Variants in GLIS3 observed in about 807,000 individuals in gnomAD.
The protein encoded by GLIS3 is zinc finger protein GLIS3.
In GLIS3, 53 loss-of-function variants were observed where a neutral mutation model predicts 78.6. That is an observed-to-expected ratio of 0.67 (90% CI 0.54 to 0.85). The LOEUF (loss-of-function observed/expected upper bound fraction) is 0.85. Ranked by LOEUF, GLIS3 falls within the 40% of genes least tolerant of loss-of-function variation. The probability of loss-of-function intolerance (pLI) is 0.00; values close to 1 mark genes in which losing one functional copy is unlikely to be tolerated. For synonymous variants in GLIS3, 684 were observed against 509.9 expected, an observed-to-expected ratio of 1.34 and a Z score of -4.60; for missense variants, 1,703 against 1,231.1, an observed-to-expected ratio of 1.38 and a Z score of -5.74.
intron 6 of GLIS3, among the ~76,000 whole-genome samples, chr9:3,911,379 G>C (rs1168036151): frequency 6.6e-6 from 1 of 152,168 alleles, no homozygotes; most frequent in Non-Finnish European, 1.5e-5. Context: ...TTGCTGTTGA[G>C]TGGTACAGAA....
chr9:4,095,590 T>A (rs1829873906), intron 4 of GLIS3, among the ~76,000 whole-genome samples: 1 of 152,186 alleles, frequency 6.6e-6, no homozygotes, highest in Non-Finnish European at 1.5e-5. Flanking sequence ...AAGGAACATA[T>A]GAGTTCTAAT....
At chr9:4,095,869 G>C (rs557046409) in intron 4 of GLIS3, among the ~76,000 whole-genome samples, 17 of 152,088 alleles carry the variant, frequency 1.1e-4, no homozygotes, top group Non-Finnish European at 7.4e-5. Flanking sequence ...TACAGGCTAG[G>C]AAACTGACAT....
the GLIS3 span, among the ~76,000 whole-genome samples, chr9:4,424,840 G>T: frequency 6.6e-6 from 1 of 151,604 alleles, no homozygotes; most frequent in East Asian, 1.9e-4. Flanking sequence ...GATTAAAGGT[G>T]TGAGCCACTG....
At position 4,169,467 on chromosome 9, in the gene GLIS3, C is replaced by T. The variant is rs530194871; in HGVS notation, c.389-43526G>A. Among the ~76,000 whole-genome samples, 5 of 152,132 alleles carry T rather than the reference C, an allele frequency of 3.3e-5. No homozygotes were observed. The East Asian group carries it at 7.7e-4, about 23-fold the overall frequency. ...ATCTGGGTGCCAGTCTCACAGCTAC[C>T]ACTTAATGTGCCGTGTGGCTTTAAA... is the stretch of plus-strand genomic sequence containing the variant. On this transcript the variant is annotated intron_variant, in intron 2 of 10. Transcript: ENST00000381971.
At chr9:4,116,731 T>G (rs1831668259) in intron 4 of GLIS3, among the ~76,000 whole-genome samples, 4 of 152,244 alleles carry the variant, frequency 2.6e-5, no homozygotes. Flanking sequence ...AATTTCTGTT[T>G]AAATTGATTT....
chr9:4,257,587 T>TGTTGTTGTTGTTG (rs1563844885), intron 2 of GLIS3, among the ~76,000 whole-genome samples: 2 of 6,900 alleles, frequency 2.9e-4, no homozygotes, highest in African/African-American at 5.0e-4. Flanking sequence ...TTGTTGTTAT[T>TGTTGTTGTTGTTG]TTTTGAGACG....
At chr9:4,215,384 A>G (rs1820733902) in intron 2 of GLIS3, among the ~76,000 whole-genome samples, 1 of 152,082 alleles carries the variant, frequency 6.6e-6, no homozygotes, top group African/African-American at 2.4e-5. Flanking sequence ...TGTAATATAT[A>G]CAGTCAACTT....
chr9:4,484,268 C>A, the GLIS3 span, among the ~76,000 whole-genome samples: 1 of 146,698 alleles, frequency 6.8e-6, no homozygotes, highest in African/African-American at 2.6e-5. Context: ...GACGGAGTCT[C>A]GCTCTGTCGC....
chr9:4,336,876 C>A (rs965953674), intron 2 of GLIS3, among the ~76,000 whole-genome samples: 1 of 152,148 alleles, frequency 6.6e-6, no homozygotes, highest in Non-Finnish European at 1.5e-5. Flanking sequence ...TCTGTCAATT[C>A]TACATGAATA....
chr9:3,870,621 C>A (rs1368623868), intron 8 of GLIS3, among the ~76,000 whole-genome samples: 1 of 152,194 alleles, frequency 6.6e-6, no homozygotes, highest in Admixed American at 6.5e-5. Flanking sequence ...AAAAGCAGAA[C>A]CCCCTGATAA....
intron 2 of GLIS3, among the ~76,000 whole-genome samples, chr9:4,329,354 A>G (rs10814941): frequency 0.69 from 105,604 of 152,140 alleles, 38,999 homozygotes; most frequent in South Asian, 0.87. Context: ...TAATGTTTTC[A>G]TTTTGACGTC....
At chr9:3,997,705 G>C (rs1041551414) in intron 4 of GLIS3, among the ~76,000 whole-genome samples, 1 of 151,774 alleles carries the variant, frequency 6.6e-6, no homozygotes, top group Non-Finnish European at 1.5e-5. Context: ...AAGCATAAAG[G>C]AACTTGTTAA....
At chr9:4,222,573 A>G (rs1821424229) in intron 2 of GLIS3, among the ~76,000 whole-genome samples, 1 of 152,212 alleles carries the variant, frequency 6.6e-6, no homozygotes, top group African/African-American at 2.4e-5. Context: ...GAGTTTGCCA[A>G]ATGTTTCAAG....
chr9:3,929,765 T>C (rs1291830375), intron 6 of GLIS3, among the ~76,000 whole-genome samples: 1 of 152,268 alleles, frequency 6.6e-6, no homozygotes, highest in Non-Finnish European at 1.5e-5. Context: ...GGAATTTTTA[T>C]GGTTATTTTT....
intron 4 of GLIS3, among the ~76,000 whole-genome samples, chr9:3,940,742 G>A (rs1238795547): frequency 1.3e-5 from 2 of 152,184 alleles, no homozygotes; most frequent in South Asian, 2.1e-4. Flanking sequence ...GGGGAGCAGC[G>A]ATGGAGGAAA....
intron 2 of GLIS3, among the ~76,000 whole-genome samples, chr9:4,254,042 A>G (rs1159872232): frequency 6.6e-6 from 1 of 152,148 alleles, no homozygotes; most frequent in Non-Finnish European, 1.5e-5. Context: ...AGTTGTTCCT[A>G]TTTGGCCATC....
At chr9:3,848,867 G>A (rs1004907859) in intron 9 of GLIS3, among the ~76,000 whole-genome samples, 2 of 152,200 alleles carry the variant, frequency 1.3e-5, no homozygotes, top group African/African-American at 2.4e-5. Context: ...TCCAGACTGA[G>A]GTAAGAAAAT....
At chr9:4,373,599 T>TA in the GLIS3 span, among the ~76,000 whole-genome samples, 1,610 of 151,816 alleles carry the variant, frequency 0.011, 41 homozygotes, top group African/African-American at 0.036. Flanking sequence ...TTTTGGGAGC[T>TA]AAAAAAATAC....
At chr9:4,364,756 CTTTTT>C in the GLIS3 span, among the ~76,000 whole-genome samples, 8 of 61,100 alleles carry the variant, frequency 1.3e-4, no homozygotes, top group South Asian at 8.5e-4. Flanking sequence ...TCATGTATTG[CTTTTT>C]TTTTTTTTTT....
Sources: allele counts gnomAD v4.1 joint callset (sites outside exome capture counted in the v4.1 genomes callset), GRCh38; gene constraint gnomAD v4.1.1; transcripts MANE v1.5; gene names NCBI Gene and HGNC (gene_info 2026-07-23, HGNC 2026-07-21).